WDFY1: variants seen among roughly 807,000 people sequenced by gnomAD.
WDFY1 encodes the protein WD repeat and FYVE domain containing 1, also known as WD repeat and FYVE domain-containing protein 1.
WDFY1 carries 32 observed loss-of-function variants against 56.4 expected under a neutral mutation model. That is an observed-to-expected ratio of 0.57 (90% confidence interval 0.43 to 0.76). The LOEUF is 0.76. WDFY1 is among the 30% of genes least tolerant of loss of function. WDFY1 has a pLI of 0.00. For missense variants in WDFY1, 480 were observed against 545.7 expected (o/e 0.88, Z 1.20); for synonymous variants, 192 against 197.3 (o/e 0.97, Z 0.23).
In WDFY1 at chr2:223,912,845, C is replaced by G. The variant is rs184207688; in HGVS notation, c.206-519G>C. 2.7e-3 allele frequency among the ~76,000 whole-genome samples: 408 copies of G among 152,254 alleles called. 3 individuals carry two copies. Among genetic ancestry groups the G allele is most frequent in the African/African-American group, 9.4e-3 (392 of 41,538 alleles). On this transcript the variant is annotated intron_variant, in intron 2 of 11. Coordinates refer to ENST00000233055, the MANE Select transcript of WDFY1 (RefSeq NM_020830.5). The stretch of plus-strand genomic sequence containing the variant: ...CCTTGTCCTCCTTCCATGTTCTACC[C>G]TACCCTCTTCCAGAAATCACAGGCT...
At chr2:223,880,584 G>A (rs974861923) in intron 10 of WDFY1, among the ~76,000 whole-genome samples, 3 of 145,406 alleles carry the variant, frequency 2.1e-5, no homozygotes, top group African/African-American at 5.2e-5. Context: ...TCCAGCCCAG[G>A]TGATCAACCA....
Position 223,942,059 on chromosome 2 carries a change from C to G in WDFY1, c.137+3089G>C, listed in dbSNP as rs1689313638. Reference sequence around the variant, plus strand: ...AGTGGTGCACGAGTGAAAAAGTGAGCAGATGCAAGCTCCCCCAGAACGTTT... The same window carrying G: ...AGTGGTGCACGAGTGAAAAAGTGAGGAGATGCAAGCTCCCCCAGAACGTTT... On this transcript the variant is annotated intron_variant, in intron 1 of 11. Coordinates refer to ENST00000233055, the MANE Select transcript of WDFY1 (RefSeq NM_020830.5). 2.0e-5 allele frequency among the ~76,000 whole-genome samples: 3 copies of G among 152,302 alleles called. No individual in the cohort carries two copies. The South Asian group carries it at 6.2e-4, about 32-fold the overall frequency.
chr2:223,920,360 A>C (rs767260642), intron 1 of WDFY1, among the ~76,000 whole-genome samples: 3 of 152,238 alleles, frequency 2.0e-5, no homozygotes, highest in Non-Finnish European at 4.4e-5. Context: ...TATATAGCAA[A>C]GGGATGTTCC....
In WDFY1 at chr2:223,914,682, A is replaced by AATGACAAGC. The variant is rs780116454; in HGVS notation, c.206-2365_206-2357dup. On this transcript the variant is annotated intron_variant, in intron 2 of 11. Coordinates refer to ENST00000233055, the MANE Select transcript of WDFY1 (RefSeq NM_020830.5). ...ATAGATGAGCATGGATTGGAATTCC[A>AATGACAAGC]ATGACAAGCAATCAACCCTTCTAAC... Among the ~76,000 whole-genome samples the AATGACAAGC allele has an allele frequency of 3.6e-4, 55 of 152,240 alleles. 1 individual carries two copies. Among genetic ancestry groups the AATGACAAGC allele is most frequent in the Non-Finnish European group, 5.9e-5 (4 of 68,044 alleles).
intron 8 of WDFY1, among the ~76,000 whole-genome samples, chr2:223,891,985 C>T (rs1055779612): frequency 2.6e-5 from 4 of 151,844 alleles, no homozygotes; most frequent in African/African-American, 9.7e-5. Context: ...TATATATATA[C>T]ATATTTTTTA....
At position 223,917,988 on chromosome 2, in the gene WDFY1, T is replaced by G. The variant is rs1467078459; in HGVS notation, c.160A>C (p.Arg54=). 1 of 1,614,176 alleles carries G rather than the reference T, an allele frequency of 6.2e-7. No individual in the cohort carries two copies. ...CTGGGCCAGTATTGACCACTGTCTC[T>G]TTTCAGCCATACCCGGATGGTTCTG... ...EDRTIRVWLK[R]DSGQYWPSIY... Residue 54 remains arginine, a synonymous_variant, in exon 2 of 12, where the codon AGA becomes CGA. Coordinates refer to ENST00000233055, the MANE Select transcript of WDFY1 (RefSeq NM_020830.5).
At chr2:223,933,918 T>A (rs1694123639) in intron 1 of WDFY1, among the ~76,000 whole-genome samples, 1 of 119,890 alleles carries the variant, frequency 8.3e-6, no homozygotes, top group African/African-American at 3.3e-5. Context: ...GCTCTGATTG[T>A]GCCACTGCAC....
chr2:223,907,936 T>C (rs1413776316), intron 3 of WDFY1, among the ~76,000 whole-genome samples: 2 of 151,834 alleles, frequency 1.3e-5, no homozygotes, highest in Non-Finnish European at 2.9e-5. Flanking sequence ...CTCTGCTCAC[T>C]GTAACCTCCA....
Position 223,901,204 on chromosome 2 carries a change from G to A in WDFY1, c.464C>T (p.Thr155Met), listed in dbSNP as rs767621008. 89 of 1,613,916 alleles carry A rather than the reference G, an allele frequency of 5.5e-5. No homozygotes were observed. In the East Asian group the frequency reaches 1.2e-3, roughly 23 times the overall value. Residue 155 changes from threonine (T) to methionine (M), a missense_variant, in exon 5 of 12, where the codon ACG (threonine) becomes ATG (methionine). Coordinates refer to ENST00000233055, the MANE Select transcript of WDFY1 (RefSeq NM_020830.5). ...ATACTGCAGACACGAAGCCCAGGAC[G>A]TGAAGAAGTGCCTCCCGAGCATGTT... Reference protein sequence around the residue: ...SGNMLGRHFFTSWASCLQYDF... With the variant: ...SGNMLGRHFFMSWASCLQYDF...
chr2:223,926,651 CGTGT>C (rs60751966), intron 1 of WDFY1, among the ~76,000 whole-genome samples: 3 of 148,448 alleles, frequency 2.0e-5, no homozygotes, highest in African/African-American at 7.6e-5. Context: ...CAAATATGTG[CGTGT>C]GTGTGTGTGT....
intron 4 of WDFY1, among the ~76,000 whole-genome samples, chr2:223,905,261 A>ATTT (rs1235635461): frequency 6.6e-6 from 1 of 152,228 alleles, no homozygotes; most frequent in Non-Finnish European, 1.5e-5. Flanking sequence ...GGCACTTAAA[A>ATTT]AACTTTTTAA....
At chr2:223,945,025 G>A in intron 1 of WDFY1, 123 bp downstream of exon 1, 10 of 1,138,726 alleles carry the variant, frequency 8.8e-6, no homozygotes, top group Non-Finnish European at 1.2e-5. Context: ...GGCGCAGAGT[G>A]GGGGTGGGGC....
chr2:223,915,422 A>G (rs1006754701), intron 2 of WDFY1, among the ~76,000 whole-genome samples: 1 of 152,222 alleles, frequency 6.6e-6, no homozygotes, highest in East Asian at 1.9e-4. Flanking sequence ...TTCTACTGCT[A>G]GGTTTTGGTG....
chr2:223,929,189 GTTTT>G (rs566936287), intron 1 of WDFY1, among the ~76,000 whole-genome samples: 3 of 28,944 alleles, frequency 1.0e-4, no homozygotes, highest in African/African-American at 1.8e-4. Flanking sequence ...TCTGTTTTTT[GTTTT>G]TTTTTTTTTT....
intron 1 of WDFY1, among the ~76,000 whole-genome samples, chr2:223,936,196 G>A (rs1205450559): frequency 6.6e-6 from 1 of 151,642 alleles, no homozygotes; most frequent in Admixed American, 6.6e-5. Flanking sequence ...CTTCTTGGGA[G>A]GATTACAGGC....
chr2:223,928,203 G>A (rs1223568073), intron 1 of WDFY1, among the ~76,000 whole-genome samples: 9 of 152,152 alleles, frequency 5.9e-5, no homozygotes, highest in South Asian at 2.1e-4. Flanking sequence ...ACAATGTATT[G>A]GAAAAATGGC....
chr2:223,880,606 C>CAAAAAAAAAAAAAA (rs10586635), intron 10 of WDFY1, among the ~76,000 whole-genome samples: 1 of 125,416 alleles, frequency 8.0e-6, no homozygotes. Flanking sequence ...GACTCAGTCT[C>CAAAAAAAAAAAAAA]AAAAAAAAAA....
At chr2:223,913,993 C>CTTTTTTTTTTTTTT (rs386392770) in intron 2 of WDFY1, among the ~76,000 whole-genome samples, 5 of 88,152 alleles carry the variant, frequency 5.7e-5, no homozygotes, top group African/African-American at 9.3e-5. Flanking sequence ...AATCAGTTAG[C>CTTTTTTTTTTTTTT]TTTTTTTTTT....
chr2:223,903,427 G>A (rs1020982810), intron 4 of WDFY1, among the ~76,000 whole-genome samples: 4 of 151,946 alleles, frequency 2.6e-5, no homozygotes, highest in African/African-American at 7.2e-5. Flanking sequence ...GTAGGCTGAG[G>A]CAGGAGAATT....
Sources: allele counts gnomAD v4.1 joint callset (sites outside exome capture counted in the v4.1 genomes callset), GRCh38; gene constraint gnomAD v4.1.1; transcripts MANE v1.5; gene names NCBI Gene and HGNC (gene_info 2026-07-23, HGNC 2026-07-21).